The following FHIP1A variants were observed in gnomAD, a reference collection of about 807,000 sequenced individuals.
FHIP1A encodes FHF complex subunit HOOK interacting protein 1A.
FHIP1A carries 61 observed loss-of-function variants against 88.6 expected under a neutral mutation model. That is an observed-to-expected ratio of 0.69 (90% CI 0.56 to 0.85). The LOEUF is 0.85. Ranked by LOEUF, FHIP1A falls within the 40% of genes least tolerant of loss-of-function variation. The probability of loss-of-function intolerance (pLI) is 0.00; values close to 1 mark genes in which losing one functional copy is unlikely to be tolerated. For synonymous variants in FHIP1A, 478 were observed against 496.0 expected, an observed-to-expected ratio of 0.96 and a Z score of 0.48; for missense variants, 1,154 against 1,273.5, an observed-to-expected ratio of 0.91 and a Z score of 1.43.
At chr4:151,438,766 C>T (rs928145030) in intron 1 of FHIP1A, among the ~76,000 whole-genome samples, 4 of 151,702 alleles carry the variant, frequency 2.6e-5, no homozygotes, top group Non-Finnish European at 4.4e-5. Flanking sequence ...CTCAGCCTCC[C>T]TAGTAGCTGT....
At chr4:151,582,288 A>G (rs1003733248) in intron 5 of FHIP1A, among the ~76,000 whole-genome samples, 6 of 152,182 alleles carry the variant, frequency 3.9e-5, no homozygotes, top group African/African-American at 1.4e-4. Flanking sequence ...AAAATTAACC[A>G]GATATCATTA....
At chr4:151,540,559 C>T (rs1395427944) in intron 3 of FHIP1A, among the ~76,000 whole-genome samples, 1 of 152,108 alleles carries the variant, frequency 6.6e-6, no homozygotes, top group African/African-American at 2.4e-5. Context: ...TAAAGTGATT[C>T]ATTTTTAAGC....
At chr4:151,586,565 G>A (rs1184128616) in intron 5 of FHIP1A, 76 bp from the exon 6 acceptor site, 6 of 1,191,942 alleles carry the variant, frequency 5.0e-6, no homozygotes, top group Admixed American at 4.5e-5. Flanking sequence ...AGCAGCATTG[G>A]CATCACCTGT....
rs1166273266 is a variant in FHIP1A at position 151,656,999 on chromosome 4, A to G, written c.2869+101A>G. 5 of 1,156,848 alleles carry G rather than the reference A, an allele frequency of 4.3e-6. No homozygotes were observed. The highest frequency in any genetic ancestry group is 6.0e-6 in the Non-Finnish European group (5 of 836,336). The allele number at this position is 1,156,848 out of a possible 1,614,324, so 71.7% of individuals were successfully genotyped here. A position where few individuals can be genotyped will look rare whatever the true frequency, so the allele number is the denominator to read the frequency against. On this transcript the variant is annotated intron_variant, in intron 13 of 13. Transcript: ENST00000435205. The surrounding 1 kb of genome is among the most constrained non-coding windows in gnomAD (Gnocchi z 4.2). ...GATGCTGCACTGGCTTCTGGATCCTAGAAGCATTCAGAGATATTTTCATTT... is the reference window on the plus strand; with the variant it reads ...GATGCTGCACTGGCTTCTGGATCCTGGAAGCATTCAGAGATATTTTCATTT...
At chr4:151,662,447 G>C in intron 13 of FHIP1A, 54 bp from the exon 14 acceptor site, 1 of 1,458,660 alleles carries the variant, frequency 6.9e-7, no homozygotes, top group East Asian at 2.5e-5. Flanking sequence ...CACTGAAGAG[G>C]GTGGATTAGA....
In FHIP1A at chr4:151,577,922, C is replaced by T; in HGVS notation, c.578C>T (p.Ala193Val). Residue 193 changes from alanine (A) to valine (V), a missense_variant, in exon 5 of 14, where the codon GCC becomes GTC. By Grantham distance (64) the Ala-to-Val change is moderately conservative. Coordinates refer to ENST00000435205, the MANE Select transcript of FHIP1A (RefSeq NM_001109977.3). ...CACACTAGTGAAGACCAAGGCGCTG[C>T]CAACTTCCTCATCTTCTCCCTTCTG... ...FFHTSEDQGAANFLIFSLLIP... is the reference protein window; with the variant it reads ...FFHTSEDQGAVNFLIFSLLIP... 1 of 1,551,694 alleles carries T rather than the reference C, an allele frequency of 6.4e-7. No individual in the cohort carries two copies. The highest frequency in any genetic ancestry group is 8.7e-7 in the Non-Finnish European group (1 of 1,146,996).
chr4:151,412,701 T>G (rs1476748848), intron 1 of FHIP1A, among the ~76,000 whole-genome samples: 1 of 145,538 alleles, frequency 6.9e-6, no homozygotes, highest in Non-Finnish European at 1.5e-5. Flanking sequence ...TTTTTTTTTT[T>G]TTGATGGAGT....
intron 2 of FHIP1A, among the ~76,000 whole-genome samples, chr4:151,460,336 CACA>C (rs1315582665): frequency 6.6e-6 from 1 of 152,098 alleles, no homozygotes; most frequent in African/African-American, 2.4e-5. Context: ...TGTTTCAGAG[CACA>C]ACATTTGGGA....
intron 3 of FHIP1A, among the ~76,000 whole-genome samples, chr4:151,527,535 C>T (rs1281856118): frequency 1.3e-5 from 2 of 151,846 alleles, no homozygotes; most frequent in South Asian, 4.2e-4. Context: ...AGAGGGAGAC[C>T]GTGGGGAGAG....
intron 1 of FHIP1A, among the ~76,000 whole-genome samples, chr4:151,442,752 A>G (rs977320556): frequency 1.3e-5 from 2 of 151,954 alleles, no homozygotes; most frequent in Non-Finnish European, 2.9e-5. Context: ...TTAGTTGGAT[A>G]TTGCATCTCC....
chr4:151,547,689 G>A (rs531398614), intron 3 of FHIP1A, among the ~76,000 whole-genome samples: 40 of 152,196 alleles, frequency 2.6e-4, no homozygotes, highest in African/African-American at 6.5e-4. Context: ...CAAGGCGGGC[G>A]GATCACCTGA....
At chr4:151,509,294 C>T (rs1730940881) in intron 3 of FHIP1A, among the ~76,000 whole-genome samples, 3 of 152,138 alleles carry the variant, frequency 2.0e-5, no homozygotes, top group Admixed American at 2.0e-4. Context: ...TCCCAAGTAG[C>T]TGGGACTACA....
intron 2 of FHIP1A, among the ~76,000 whole-genome samples, chr4:151,470,124 A>G (rs1718594177): frequency 1.3e-5 from 2 of 152,196 alleles, no homozygotes; most frequent in Admixed American, 1.3e-4. Context: ...TTTTTAAACA[A>G]TGTGTGGTAG....
At chr4:151,564,726 G>T (rs1401154148) in intron 3 of FHIP1A, among the ~76,000 whole-genome samples, 1 of 152,184 alleles carries the variant, frequency 6.6e-6, no homozygotes, top group Non-Finnish European at 1.5e-5. Flanking sequence ...TGTGATTTGT[G>T]TACTTCTTCT....
In FHIP1A at chr4:151,666,836, A is replaced by T. The variant is rs561245046; in HGVS notation, c.*4082A>T. 6.6e-6 allele frequency among the ~76,000 whole-genome samples: 1 copy of T among 152,246 alleles called. No individual in the cohort carries two copies. ...ATGGCATCGTCCTCTGGGAATAATC[A>T]GTCCTTAATACAGTTTTCACTTGAC... On this transcript the variant is annotated 3_prime_UTR_variant, in exon 14 of 14. Coordinates refer to ENST00000435205, the MANE Select transcript of FHIP1A (RefSeq NM_001109977.3).
At chr4:151,588,802 C>T in intron 6 of FHIP1A, 38 bp from the exon 7 acceptor site, 1 of 1,251,980 alleles carries the variant, frequency 8.0e-7, no homozygotes, top group Non-Finnish European at 1.1e-6. Flanking sequence ...GAAGATTGAA[C>T]TCTTTGCCTT....
rs1351937339 is a variant in FHIP1A, at chr4:151,650,102, C to A, written c.2061C>A (p.Thr687=). The A allele has an allele frequency of 2.6e-6, 4 of 1,551,640 alleles. No individual in the cohort carries two copies. Among genetic ancestry groups the A allele is most frequent in the Middle Eastern group, 3.3e-4 (2 of 5,992 alleles). Residue 687 remains threonine, a synonymous_variant, in exon 11 of 14, where the codon ACC becomes ACA. Coordinates refer to ENST00000435205, the MANE Select transcript of FHIP1A (RefSeq NM_001109977.3). ...VPINNGPLLS[T]QPETDSEEEW... ...TCAACAACGGCCCCCTCCTCAGCAC[C>A]CAGCCAGAGACAGATTCAGAGGAGG...
intron 8 of FHIP1A, among the ~76,000 whole-genome samples, chr4:151,633,149 A>T (rs1192517452): frequency 6.6e-6 from 1 of 151,922 alleles, no homozygotes; most frequent in African/African-American, 2.4e-5. Flanking sequence ...CTTATGCCAC[A>T]GAAATAAAAA....
chr4:151,482,294 C>T lies in FHIP1A; in HGVS notation c.-247-230C>T, dbSNP rs1370818104. ...TCTTATAAGATGGAAGAATCCTTTTCTATTTTCTGTTACCCAGCAGGAGTT... is the reference window on the plus strand; with the variant it reads ...TCTTATAAGATGGAAGAATCCTTTTTTATTTTCTGTTACCCAGCAGGAGTT... On this transcript the variant is annotated intron_variant, in intron 2 of 13. Coordinates refer to ENST00000435205, the MANE Select transcript of FHIP1A (RefSeq NM_001109977.3). 5.9e-5 allele frequency among the ~76,000 whole-genome samples: 9 copies of T among 151,972 alleles called. No individual in the cohort carries two copies. The East Asian group carries it at 1.3e-3, about 23-fold the overall frequency.
Sources: allele counts gnomAD v4.1 joint callset (sites outside exome capture counted in the v4.1 genomes callset), GRCh38; gene constraint gnomAD v4.1.1; non-coding constraint Gnocchi (gnomAD v3.1); transcripts MANE v1.5; gene names NCBI Gene and HGNC (gene_info 2026-07-23, HGNC 2026-07-21).